The following SDSL variants were observed in gnomAD, a reference collection of about 807,000 sequenced individuals.
SDSL encodes the protein serine dehydratase-like.
A neutral mutation model predicts 27.6 loss-of-function variants in SDSL; 26 were observed. The ratio of observed to expected loss-of-function variants is 0.94; its 90% CI spans 0.69 to 1.31. The LOEUF is 1.31. Among genes scored for constraint, SDSL ranks in the 50% most tolerant of loss-of-function variants. The probability of loss-of-function intolerance (pLI) is 0.00; values close to 1 mark genes in which losing one functional copy is unlikely to be tolerated. For missense variants in SDSL, 431 were observed against 423.5 expected, an observed-to-expected ratio of 1.02 and a Z score of -0.16; for synonymous variants, 196 against 180.6, an observed-to-expected ratio of 1.09 and a Z score of -0.69.
chr12:113,435,242 C>T, intron 5 of SDSL, 87 bp from the exon 6 acceptor site: 2 of 879,414 alleles, frequency 2.3e-6, no homozygotes, highest in Non-Finnish European at 3.4e-6. Flanking sequence ...GCAGAGAACC[C>T]ACCCCTGGTA....
At chr12:113,427,356 C>T (rs1014321227) in intron 1 of SDSL, 4 of 153,320 alleles carry the variant, frequency 2.6e-5, no homozygotes, top group African/African-American at 9.6e-5. Flanking sequence ...AGTGATCTGC[C>T]TGCCTTGGCC....
At chr12:113,431,011 T>TTG (rs1303467633) in intron 4 of SDSL, among the ~76,000 whole-genome samples, 1 of 152,172 alleles carries the variant, frequency 6.6e-6, no homozygotes, top group Non-Finnish European at 1.5e-5. Context: ...TGCCTTAGAT[T>TTG]TGGGGAAAGG....
In SDSL at chr12:113,436,868, G is replaced by C. The variant is rs1438790296; in HGVS notation, c.789G>C (p.Gln263His). ...EDTEAVSAVQ[Q>H]LLDDERMLVE... ...CCGAGGCTGTGAGCGCTGTGCAGCA[G>C]CTCCTGGGTGAGTGATCCCTGTCCT... is the stretch of plus-strand genomic sequence containing the variant. Residue 263 changes from glutamine (Q) to histidine (H), a missense_variant, in exon 7 of 8, where the codon CAG becomes CAC. By Grantham distance (24) the Gln-to-His change is conservative (BLOSUM62 0). Coordinates refer to ENST00000403593, the MANE Select transcript of SDSL (RefSeq NM_001304993.2). The C allele has an allele frequency of 6.3e-7, 1 of 1,599,804 alleles. No individual in the cohort carries two copies. Among genetic ancestry groups the C allele is most frequent in the South Asian group, 1.1e-5 (1 of 88,730 alleles).
chr12:113,431,766 T>A lies in SDSL; in HGVS notation c.355-2368T>A, dbSNP rs1262518810. Among the ~76,000 whole-genome samples, 6 of 144,050 alleles carry A rather than the reference T, an allele frequency of 4.2e-5. No homozygotes were observed. In the East Asian group the frequency reaches 1.2e-3, roughly 30 times the overall value. The allele number at this position is 144,050 out of a possible 152,430, so 94.5% of individuals were successfully genotyped here. On this transcript the variant is annotated intron_variant, in intron 4 of 7. Transcript: ENST00000403593. ...TTTTTTTTTTTTTTTTTGAGACGAGTCTCGCTCTGTTGCCCAGGCTGGAGT... is the reference window on the plus strand; with the variant it reads ...TTTTTTTTTTTTTTTTTGAGACGAGACTCGCTCTGTTGCCCAGGCTGGAGT...
chr12:113,435,289 C>A, intron 5 of SDSL, 40 bp from the exon 6 acceptor site: 1 of 1,399,786 alleles, frequency 7.1e-7, no homozygotes, highest in Non-Finnish European at 9.5e-7. Context: ...GGCTGGGGTC[C>A]TCCCTCACTC....
At chr12:113,430,985 T>C (rs994835375) in intron 4 of SDSL, among the ~76,000 whole-genome samples, 1 of 152,160 alleles carries the variant, frequency 6.6e-6, no homozygotes, top group Non-Finnish European at 1.5e-5. Context: ...TGGGCAGTGG[T>C]CAAACCAATG....
chr12:113,423,448 G>A (rs1957814129), intron 1 of SDSL, among the ~76,000 whole-genome samples: 1 of 152,146 alleles, frequency 6.6e-6, no homozygotes, highest in Non-Finnish European at 1.5e-5. Flanking sequence ...GTGAGTTAAT[G>A]ACTCATCTGT....
chr12:113,433,396 A>G (rs1308682258), intron 4 of SDSL, among the ~76,000 whole-genome samples: 1 of 152,152 alleles, frequency 6.6e-6, no homozygotes, highest in Non-Finnish European at 1.5e-5. Context: ...TCCTGCTGAG[A>G]TCGGCTGGCA....
chr12:113,437,150 C>T, intron 7 of SDSL: 1 of 218,242 alleles, frequency 4.6e-6, no homozygotes. Flanking sequence ...GGGCTATCAG[C>T]CATCATAGCA....
chr12:113,429,201 C>G lies in SDSL; in HGVS notation c.256C>G (p.Leu86Val), dbSNP rs770894642. ...CGCTGCTGCCTATGCTGCTAGGAAGCTGGGCATTCCTGCCACCATCGTGCT... is the reference window on the plus strand; with the variant it reads ...CGCTGCTGCCTATGCTGCTAGGAAGGTGGGCATTCCTGCCACCATCGTGCT... ...GIAAAYAARKLGIPATIVLPE... is the reference protein window; with the variant it reads ...GIAAAYAARKVGIPATIVLPE... The change falls in exon 4 of 8, where the codon CTG becomes GTG. Residue 86 changes from leucine to valine, a missense_variant. Physicochemically the swap from Leu to Val is conservative, Grantham distance 32 (BLOSUM62 1). Coordinates refer to ENST00000403593, the MANE Select transcript of SDSL (RefSeq NM_001304993.2). The G allele has an allele frequency of 6.2e-7, 1 of 1,613,806 alleles. No individual in the cohort carries two copies. Among genetic ancestry groups the G allele is most frequent in the African/African-American group, 1.3e-5 (1 of 74,890 alleles).
At chr12:113,437,013 C>T (rs537532017) in intron 7 of SDSL, 138 bp downstream of exon 7, 29 of 817,678 alleles carry the variant, frequency 3.5e-5, no homozygotes, top group South Asian at 3.0e-4. Flanking sequence ...ACTAAGTGCA[C>T]GTCGAGTAGA....
intron 7 of SDSL, 92 bp from the exon 8 acceptor site, chr12:113,437,794 T>C: frequency 1.7e-6 from 2 of 1,145,092 alleles, no homozygotes; most frequent in Non-Finnish European, 2.5e-6. Context: ...GCTGGAGAGA[T>C]GGCTGCAAGG....
chr12:113,435,199 G>T, intron 5 of SDSL, 130 bp from the exon 6 acceptor site: 1 of 563,550 alleles, frequency 1.8e-6, no homozygotes, highest in Non-Finnish European at 3.1e-6. Flanking sequence ...GATGGGATGG[G>T]GATGGTGGGG....
chr12:113,423,264 A>G (rs1340720645), intron 1 of SDSL, among the ~76,000 whole-genome samples: 1 of 152,256 alleles, frequency 6.6e-6, no homozygotes, highest in Non-Finnish European at 1.5e-5. Context: ...CTTTCATAAT[A>G]GTAACGATAA....
At position 113,428,007 on chromosome 12, in the gene SDSL, G is replaced by A. The variant is rs770098381; in HGVS notation, c.25G>A (p.Ala9Thr). 1.9e-5 allele frequency: 30 copies of A among 1,612,938 alleles called. No individual in the cohort carries two copies. In the South Asian group the frequency reaches 1.9e-4, roughly 10 times the overall value. Residue 9 changes from alanine (A) to threonine (T), a missense_variant, in exon 2 of 8, where the codon GCC becomes ACC. By Grantham distance (58) the Ala-to-Thr change is moderately conservative. Transcript: ENST00000403593. Reference sequence around the variant, plus strand: ...AATGGACGGCCCTGTGGCAGAGCATGCCAAGCAGGAGCCCTTTCACGTGGT... The same window carrying A: ...AATGGACGGCCCTGTGGCAGAGCATACCAAGCAGGAGCCCTTTCACGTGGT... MDGPVAEH[A>T]KQEPFHVVTP...
intron 1 of SDSL, among the ~76,000 whole-genome samples, chr12:113,424,222 A>C (rs758610678): frequency 3.9e-5 from 6 of 151,992 alleles, no homozygotes; most frequent in Non-Finnish European, 8.8e-5. Context: ...GGGTTTCTCC[A>C]TGTTGGCCAG....
intron 4 of SDSL, among the ~76,000 whole-genome samples, chr12:113,433,509 A>G (rs1466495196): frequency 6.6e-6 from 1 of 152,178 alleles, no homozygotes; most frequent in Non-Finnish European, 1.5e-5. Flanking sequence ...GATTGCAGGA[A>G]GCATTGGTAG....
intron 1 of SDSL, chr12:113,427,358 G>C (rs1020398075): frequency 6.5e-6 from 1 of 153,456 alleles, no homozygotes; most frequent in African/African-American, 2.4e-5. Flanking sequence ...TGATCTGCCT[G>C]CCTTGGCCTC....
Position 113,436,860 on chromosome 12 carries a change from G to T in SDSL, c.781G>T (p.Val261Leu). ...VVEDTEAVSA[V>L]QQLLDDERML... Reference sequence around the variant, plus strand: ...GGAGGACACCGAGGCTGTGAGCGCTGTGCAGCAGCTCCTGGGTGAGTGATC... The same window carrying T: ...GGAGGACACCGAGGCTGTGAGCGCTTTGCAGCAGCTCCTGGGTGAGTGATC... Residue 261 changes from valine to leucine, a missense_variant, in exon 7 of 8, where the codon GTG becomes TTG. Transcript: ENST00000403593. The T allele has an allele frequency of 6.2e-7, 1 of 1,606,746 alleles. No homozygotes were observed.
Sources: gnomAD v4.1 joint callset for allele counts (sites outside exome capture counted in the v4.1 genomes callset) on GRCh38, gnomAD v4.1.1 for gene constraint, MANE v1.5 for transcripts, NCBI Gene and HGNC (gene_info 2026-07-23, HGNC 2026-07-21) for gene names.